Variants in AKAP6 observed in about 807,000 individuals in gnomAD.
AKAP6 encodes A-kinase anchor protein 6.
AKAP6 carries 58 observed loss-of-function variants against 188.5 expected under a neutral mutation model. The observed-to-expected ratio is 0.31, with a 90% CI of 0.25 to 0.38. The LOEUF (loss-of-function observed/expected upper bound fraction) is 0.38. Among genes scored for constraint, AKAP6 ranks in the 10% least tolerant of loss-of-function variants. The probability of loss-of-function intolerance (pLI) is 1.00; values close to 1 mark genes in which losing one functional copy is unlikely to be tolerated. For missense variants in AKAP6, 2,710 were observed against 2,740.0 expected (o/e 0.99, Z 0.24); for synonymous variants, 989 against 998.6 (o/e 0.99, Z 0.18).
chr14:32,776,342 G>C (rs1392454158), intron 12 of AKAP6, among the ~76,000 whole-genome samples: 1 of 152,190 alleles, frequency 6.6e-6, no homozygotes, highest in Non-Finnish European at 1.5e-5. Context: ...CACTAGATCT[G>C]ATGGTTTTAT....
At chr14:32,674,785 G>A (rs1047688202) in intron 7 of AKAP6, among the ~76,000 whole-genome samples, 9 of 152,078 alleles carry the variant, frequency 5.9e-5, no homozygotes, top group Non-Finnish European at 8.8e-5. Context: ...ATTGGAAGGC[G>A]TTACTACTTA....
At chr14:32,697,186 C>T (rs1366322520) in intron 9 of AKAP6, among the ~76,000 whole-genome samples, 1 of 152,028 alleles carries the variant, frequency 6.6e-6, no homozygotes, top group Non-Finnish European at 1.5e-5. Context: ...CTTTTACCTC[C>T]TCTAAAGAGA....
chr14:32,634,599 T>C (rs1486683694), intron 7 of AKAP6, among the ~76,000 whole-genome samples: 1 of 152,068 alleles, frequency 6.6e-6, no homozygotes, highest in Non-Finnish European at 1.5e-5. Flanking sequence ...GTCTAATTAA[T>C]CGATAATATT....
At chr14:32,785,231 A>G (rs1188405679) in intron 12 of AKAP6, among the ~76,000 whole-genome samples, 4 of 152,188 alleles carry the variant, frequency 2.6e-5, no homozygotes, top group Non-Finnish European at 4.4e-5. Flanking sequence ...GAAGAAATAC[A>G]TGAATAGAAT....
chr14:32,815,531 G>A (rs992734876), intron 12 of AKAP6, among the ~76,000 whole-genome samples: 1 of 152,126 alleles, frequency 6.6e-6, no homozygotes, highest in African/African-American at 2.4e-5. Flanking sequence ...GGTTATCTTT[G>A]TGGGATAAGT....
chr14:32,464,050 G>T (rs1297197998), intron 2 of AKAP6, among the ~76,000 whole-genome samples: 1 of 152,138 alleles, frequency 6.6e-6, no homozygotes. Context: ...CGAGGAAGAA[G>T]TCAAATCCCT....
At chr14:32,423,195 G>T (rs61981115) in intron 1 of AKAP6, among the ~76,000 whole-genome samples, 4,509 of 152,000 alleles carry the variant, frequency 0.03, 97 homozygotes, top group South Asian at 0.072. Flanking sequence ...TTTGAGATAG[G>T]GTCTCACTTT....
intron 2 of AKAP6, among the ~76,000 whole-genome samples, chr14:32,525,660 T>C (rs996829559): frequency 1.3e-5 from 2 of 152,208 alleles, no homozygotes; most frequent in African/African-American, 2.4e-5. Flanking sequence ...TTAGTGTAAA[T>C]ATACTTCAGA....
intron 4 of AKAP6, among the ~76,000 whole-genome samples, chr14:32,566,724 A>T (rs1884207119): frequency 6.6e-6 from 1 of 152,190 alleles, no homozygotes; most frequent in African/African-American, 2.4e-5. Context: ...TCAATTTGCT[A>T]AGCCAATAGT....
chr14:32,332,724 C>CA (rs1886569670), intron 1 of AKAP6, among the ~76,000 whole-genome samples: 1 of 152,034 alleles, frequency 6.6e-6, no homozygotes, highest in Non-Finnish European at 1.5e-5. Flanking sequence ...AGAACAGAAG[C>CA]AGAAACTTCT....
intron 11 of AKAP6, among the ~76,000 whole-genome samples, chr14:32,767,600 C>T (rs1324037358): frequency 6.6e-6 from 1 of 152,028 alleles, no homozygotes; most frequent in East Asian, 1.9e-4. Flanking sequence ...TACCACACCC[C>T]ACTTGAACTT....
chr14:32,593,812 A>G (rs956123109), intron 5 of AKAP6, among the ~76,000 whole-genome samples: 1 of 152,148 alleles, frequency 6.6e-6, no homozygotes, highest in East Asian at 1.9e-4. Context: ...TTGGATTATC[A>G]GTCTGGGCTT....
chr14:32,388,678 T>C lies in AKAP6; in HGVS notation c.-34-44782T>C, dbSNP rs186098713. Reference sequence around the variant, plus strand: ...ATGGTTTTGAAGGTTCCTTTTGGAGTTGATTTCCAGTTTTATTCCACTGTG... The same window carrying C: ...ATGGTTTTGAAGGTTCCTTTTGGAGCTGATTTCCAGTTTTATTCCACTGTG... On this transcript the variant is annotated intron_variant, in intron 1 of 13. Transcript: ENST00000280979. Among the ~76,000 whole-genome samples, 322 of 152,154 alleles carry C rather than the reference T, an allele frequency of 2.1e-3. 2 individuals carry two copies. The highest frequency in any genetic ancestry group is 7.3e-3 in the African/African-American group (301 of 41,510).
At chr14:32,510,466 A>ATATATG (rs1566546958) in intron 2 of AKAP6, among the ~76,000 whole-genome samples, 6 of 130,350 alleles carry the variant, frequency 4.6e-5, no homozygotes, top group Admixed American at 2.4e-4. Flanking sequence ...ATATGTGTAT[A>ATATATG]TATATATATA....
At chr14:32,608,524 C>T (rs1459280316) in intron 7 of AKAP6, among the ~76,000 whole-genome samples, 1 of 147,098 alleles carries the variant, frequency 6.8e-6, no homozygotes, top group Non-Finnish European at 1.5e-5. Context: ...AAAAGCATAG[C>T]TTATTTTGTT....
chr14:32,358,885 C>T (rs931234605), intron 1 of AKAP6, among the ~76,000 whole-genome samples: 4 of 152,080 alleles, frequency 2.6e-5, no homozygotes, highest in African/African-American at 9.7e-5. Context: ...GACTGATTGG[C>T]CTTAGAGCTC....
intron 9 of AKAP6, among the ~76,000 whole-genome samples, chr14:32,726,743 A>G (rs2030893342): frequency 1.3e-5 from 2 of 152,262 alleles, no homozygotes; most frequent in African/African-American, 2.4e-5. Flanking sequence ...TCATTAGAAT[A>G]AAGATTGTCT....
intron 1 of AKAP6, among the ~76,000 whole-genome samples, chr14:32,358,658 G>C (rs192530940): frequency 6.6e-6 from 1 of 152,122 alleles, no homozygotes; most frequent in Non-Finnish European, 1.5e-5. Context: ...AACATTCTGA[G>C]GATACGTGCA....
At chr14:32,754,668 T>C (rs2032265632) in intron 11 of AKAP6, among the ~76,000 whole-genome samples, 1 of 152,290 alleles carries the variant, frequency 6.6e-6, no homozygotes, top group East Asian at 1.9e-4. Flanking sequence ...TAGCATTTCT[T>C]GTAAGGCAGG....
Sources: gnomAD v4.1 joint callset for allele counts (sites outside exome capture counted in the v4.1 genomes callset) on GRCh38, gnomAD v4.1.1 for gene constraint, MANE v1.5 for transcripts, NCBI Gene and HGNC (gene_info 2026-07-23, HGNC 2026-07-21) for gene names.